The following TMEM97 variants were observed in gnomAD, a reference collection of about 807,000 sequenced individuals.
The protein encoded by TMEM97 is sigma intracellular receptor 2.
TMEM97 carries 13 observed loss-of-function variants against 18.3 expected under a neutral mutation model. The observed-to-expected ratio is 0.71, with a 90% CI of 0.46 to 1.13. TMEM97 has a LOEUF of 1.13. TMEM97 is among the 50% of genes most tolerant of loss of function. TMEM97 has a pLI of 0.00. For missense variants in TMEM97, 205 were observed against 210.5 expected, an observed-to-expected ratio of 0.97 and a Z score of 0.16; for synonymous variants, 76 against 85.3, an observed-to-expected ratio of 0.89 and a Z score of 0.60.
chr17:28,320,479 C>T (rs1320351579), intron 1 of TMEM97, among the ~76,000 whole-genome samples: 2 of 152,124 alleles, frequency 1.3e-5, no homozygotes, highest in South Asian at 2.1e-4. Flanking sequence ...GCGTAGGTAG[C>T]GTGTAGCAAG....
At chr17:28,325,697 GA>G in intron 2 of TMEM97, 50 bp downstream of exon 2, 1 of 1,610,124 alleles carries the variant, frequency 6.2e-7, no homozygotes, top group Non-Finnish European at 8.5e-7. Context: ...TCAGGTCCCA[GA>G]AATCTTTTGG....
chr17:28,323,414 G>A (rs942614611), intron 1 of TMEM97, among the ~76,000 whole-genome samples: 3 of 151,814 alleles, frequency 2.0e-5, no homozygotes, highest in East Asian at 1.9e-4. Context: ...AGTTCAAATG[G>A]CCAGAATGCC....
intron 2 of TMEM97, 198 bp downstream of exon 2, chr17:28,325,845 T>C (rs1906313697): frequency 1.5e-6 from 1 of 679,544 alleles, no homozygotes; most frequent in Non-Finnish European, 2.4e-6. Flanking sequence ...TCAGCAGGCC[T>C]GCACGGCTGC....
intron 1 of TMEM97, among the ~76,000 whole-genome samples, chr17:28,322,715 C>T (rs554570038): frequency 6.6e-6 from 1 of 152,268 alleles, no homozygotes; most frequent in African/African-American, 2.4e-5. Context: ...TCTGTGTTCC[C>T]ATTCTAAATT....
intron 2 of TMEM97, among the ~76,000 whole-genome samples, chr17:28,326,063 T>C (rs1197747528): frequency 6.6e-6 from 1 of 152,242 alleles, no homozygotes; most frequent in Non-Finnish European, 1.5e-5. Flanking sequence ...TTATTCTTAG[T>C]GTTCTCATAT....
At chr17:28,325,212 A>G (rs1555575312) in intron 1 of TMEM97, among the ~76,000 whole-genome samples, 1 of 152,188 alleles carries the variant, frequency 6.6e-6, no homozygotes, top group Admixed American at 6.5e-5. Context: ...TGGCCAACAC[A>G]CCTGGATGTG....
chr17:28,324,247 A>C (rs899375499), intron 1 of TMEM97, among the ~76,000 whole-genome samples: 23 of 152,334 alleles, frequency 1.5e-4, no homozygotes, highest in Admixed American at 2.6e-4. Flanking sequence ...CATTGCTATG[A>C]ATTTCAATTT....
chr17:28,319,385 TC>T lies in TMEM97; in HGVS notation c.126+23del. On this transcript the variant is annotated intron_variant, in intron 1 of 2. Transcript: ENST00000226230. Reference sequence around the variant, plus strand: ...GTCGAGGTGAGGGGCGCCCCTCTTATCCCGGCCCGCTGAGGCTCTCCCGGCG... The same window carrying T: ...GTCGAGGTGAGGGGCGCCCCTCTTATCCGGCCCGCTGAGGCTCTCCCGGCG... 6.6e-7 allele frequency: 1 copy of T among 1,507,482 alleles called. No individual in the cohort carries two copies. The highest frequency in any genetic ancestry group is 8.8e-7 in the Non-Finnish European group (1 of 1,135,814). The allele number at this position is 1,507,482 out of a possible 1,614,324, so 93.4% of individuals were successfully genotyped here. A position where few individuals can be genotyped will look rare whatever the true frequency, so the allele number is the denominator to read the frequency against.
Position 28,325,772 on chromosome 17 carries a change from G to A in TMEM97, c.271+125G>A, listed in dbSNP as rs558810404. On this transcript the variant is annotated intron_variant, in intron 2 of 2. Coordinates refer to ENST00000226230, the MANE Select transcript of TMEM97 (RefSeq NM_014573.3). ...TTGTGGGAGAATGCTACAGGATCTG[G>A]GGTAAATAGCCAGGGTAGATCTTGT... is the stretch of plus-strand genomic sequence containing the variant. The A allele has an allele frequency of 5.1e-5, 68 of 1,339,074 alleles. 1 individual carries two copies. In the South Asian group the frequency reaches 9.0e-4, roughly 18 times the overall value. 82.9% of individuals were successfully genotyped at this position (1,339,074 alleles called of 1,614,324 possible). A position where few individuals can be genotyped will look rare whatever the true frequency, so the allele number is the denominator to read the frequency against.
At chr17:28,321,838 GTGTGTT>G (rs1241503024) in intron 1 of TMEM97, among the ~76,000 whole-genome samples, 3 of 151,082 alleles carry the variant, frequency 2.0e-5, no homozygotes, top group East Asian at 3.9e-4. Context: ...GTGTGTGTGT[GTGTGTT>G]TGTGTGAGAT....
At chr17:28,319,409 G>A (rs782291032) in intron 1 of TMEM97, 44 bp downstream of exon 1, 5 of 1,243,046 alleles carry the variant, frequency 4.0e-6, no homozygotes, top group Non-Finnish European at 5.2e-6. Flanking sequence ...GGCTCTCCCG[G>A]CGCTGCGTCC....
intron 1 of TMEM97, among the ~76,000 whole-genome samples, chr17:28,319,978 C>G (rs1335481492): frequency 6.6e-6 from 1 of 152,108 alleles, no homozygotes; most frequent in African/African-American, 2.4e-5. Context: ...GTGAAAATCC[C>G]GATTTCCTGG....
intron 1 of TMEM97, among the ~76,000 whole-genome samples, chr17:28,321,038 C>T (rs1906121685): frequency 6.6e-6 from 1 of 152,200 alleles, no homozygotes; most frequent in Non-Finnish European, 1.5e-5. Flanking sequence ...ATGTGGTTAT[C>T]TTTGGGGGCC....
intron 1 of TMEM97, among the ~76,000 whole-genome samples, chr17:28,323,439 A>AT (rs1160373286): frequency 4.0e-5 from 6 of 148,658 alleles, no homozygotes; most frequent in Admixed American, 1.3e-4. Context: ...TTTTTTTTTA[A>AT]TTTTTTTTTG....
rs1243175522 is a variant in TMEM97 at position 28,328,023 on chromosome 17, T to G, written c.*1230T>G. The G allele has an allele frequency of 1.3e-5, 2 of 152,972 alleles. No individual in the cohort carries two copies. The highest frequency in any genetic ancestry group is 2.9e-5 in the Non-Finnish European group (2 of 68,292). The allele number at this position is 152,972 out of a possible 1,614,324, so 9.5% of individuals were successfully genotyped here. On this transcript the variant is annotated 3_prime_UTR_variant, in exon 3 of 3. Coordinates refer to ENST00000226230, the MANE Select transcript of TMEM97 (RefSeq NM_014573.3). ...AGGCATAACATATCCACTGTGTGCATAGAGGGTCTCTTCACGTTGATGCTT... is the reference window on the plus strand; with the variant it reads ...AGGCATAACATATCCACTGTGTGCAGAGAGGGTCTCTTCACGTTGATGCTT...
intron 2 of TMEM97, 156 bp downstream of exon 2, chr17:28,325,803 G>A: frequency 9.7e-7 from 1 of 1,031,046 alleles, no homozygotes; most frequent in Admixed American, 2.6e-5. Flanking sequence ...CTTGTAAAGG[G>A]ACATTAGTGT....
intron 2 of TMEM97, 147 bp from the exon 3 acceptor site, chr17:28,326,387 G>T (rs1398622883): frequency 2.2e-6 from 2 of 895,058 alleles, no homozygotes; most frequent in South Asian, 1.7e-5. Flanking sequence ...ATGTTGGGCA[G>T]TGTGGCACAT....
At chr17:28,324,003 T>A (rs989459019) in intron 1 of TMEM97, among the ~76,000 whole-genome samples, 4 of 152,014 alleles carry the variant, frequency 2.6e-5, no homozygotes, top group South Asian at 2.1e-4. Context: ...TCAAAAAAAA[T>A]AATAATAATT....
Position 28,326,631 on chromosome 17 carries a change from C to T in TMEM97, c.369C>T (p.Phe123=). Reference sequence around the variant, plus strand: ...TCTCCACATTTCTGTTTGAGGATTTCTCCAAAGCCAGTGGTTTCAAGGGAC... The same window carrying T: ...TCTCCACATTTCTGTTTGAGGATTTTTCCAAAGCCAGTGGTTTCAAGGGAC... ...PILSTFLFED[F]SKASGFKGQR... Residue 123 remains phenylalanine (F), a synonymous_variant, in exon 3 of 3, where the codon TTC becomes TTT. Coordinates refer to ENST00000226230, the MANE Select transcript of TMEM97 (RefSeq NM_014573.3). 1.9e-6 allele frequency: 3 copies of T among 1,614,188 alleles called. No homozygotes were observed. The highest frequency in any genetic ancestry group is 2.5e-6 in the Non-Finnish European group (3 of 1,180,038).
Sources: gnomAD v4.1 joint callset for allele counts (sites outside exome capture counted in the v4.1 genomes callset) on GRCh38, gnomAD v4.1.1 for gene constraint, MANE v1.5 for transcripts, NCBI Gene and HGNC (gene_info 2026-07-23, HGNC 2026-07-21) for gene names.